Variants in NXPE4 observed in about 807,000 individuals in gnomAD.
The protein encoded by NXPE4 is neurexophilin and PC-esterase domain family member 4.
In NXPE4, 42 loss-of-function variants were observed where a neutral mutation model predicts 33.3. The ratio of observed to expected loss-of-function variants is 1.26; its 90% CI spans 0.98 to 1.63. The LOEUF (loss-of-function observed/expected upper bound fraction) is 1.63. NXPE4 is among the 40% of genes most tolerant of loss of function. The pLI, the probability that NXPE4 is intolerant of heterozygous loss-of-function variation, is 0.00. For missense variants in NXPE4, 709 were observed against 647.6 expected (o/e 1.09, Z -1.03); for synonymous variants, 253 against 234.9 (o/e 1.08, Z -0.71).
At chr11:114,629,446 A>C in the NXPE4 span, among the ~76,000 whole-genome samples, 3 of 151,800 alleles carry the variant, frequency 2.0e-5, no homozygotes, top group Non-Finnish European at 4.4e-5. Context: ...TAGATGCAGA[A>C]AAGGCCTTTG....
chr11:114,663,821 T>C, the NXPE4 span, among the ~76,000 whole-genome samples: 3 of 152,092 alleles, frequency 2.0e-5, no homozygotes, highest in Admixed American at 2.0e-4. Context: ...AGATGGATCA[T>C]CCAGAAAAGA....
the NXPE4 span, among the ~76,000 whole-genome samples, chr11:114,639,413 C>A: frequency 6.6e-6 from 1 of 151,850 alleles, no homozygotes; most frequent in Non-Finnish European, 1.5e-5. Context: ...TGACCCCTTG[C>A]GCTTCCTGAG....
chr11:114,658,567 C>A, the NXPE4 span, among the ~76,000 whole-genome samples: 1 of 152,128 alleles, frequency 6.6e-6, no homozygotes, highest in African/African-American at 2.4e-5. Flanking sequence ...TCTAAGAACA[C>A]TAAAGTGTTA....
upstream of NXPE4, among the ~76,000 whole-genome samples, chr11:114,597,292 G>C (rs1232414279): frequency 1.3e-5 from 2 of 152,078 alleles, no homozygotes; most frequent in East Asian, 1.9e-4. Context: ...ATAGCAAACT[G>C]TCAATATATT....
At chr11:114,617,063 G>A in the NXPE4 span, among the ~76,000 whole-genome samples, 3 of 150,924 alleles carry the variant, frequency 2.0e-5, no homozygotes, top group Admixed American at 6.6e-5. Context: ...AGTAAGTATT[G>A]CCTCTTGGGT....
rs143022326 is a variant in NXPE4, at chr11:114,581,510, T to C, written c.892+215A>G. On this transcript the variant is annotated intron_variant, in intron 4 of 5. Coordinates refer to ENST00000375478, the MANE Select transcript of NXPE4 (RefSeq NM_001077639.2). The stretch of plus-strand genomic sequence containing the variant: ...GGAATTCACTGACTGACAAATAGAC[T>C]GATGATGAGAGTTACAGTTACTAAA... 1.3e-3 allele frequency among the ~76,000 whole-genome samples: 191 copies of C among 152,292 alleles called. 3 individuals carry two copies. The East Asian group carries it at 0.032, about 26-fold the overall frequency.
At chr11:114,654,762 A>G in the NXPE4 span, among the ~76,000 whole-genome samples, 1 of 152,158 alleles carries the variant, frequency 6.6e-6, no homozygotes. Flanking sequence ...GCTATTGTAA[A>G]TAGTGCTGCA....
At chr11:114,658,059 A>T in the NXPE4 span, among the ~76,000 whole-genome samples, 24 of 152,316 alleles carry the variant, frequency 1.6e-4, no homozygotes, top group South Asian at 4.6e-3. Context: ...GTTCCCTTTA[A>T]AATAAACCCT....
chr11:114,588,104 G>T (rs1949350784), intron 2 of NXPE4, among the ~76,000 whole-genome samples: 1 of 152,132 alleles, frequency 6.6e-6, no homozygotes, highest in Admixed American at 6.5e-5. Flanking sequence ...CAAAGGGAAT[G>T]ATTCCCCAAA....
the NXPE4 span, among the ~76,000 whole-genome samples, chr11:114,635,290 G>C: frequency 2.0e-5 from 3 of 149,462 alleles, no homozygotes; most frequent in Non-Finnish European, 3.0e-5. Flanking sequence ...TATAAGAATG[G>C]TTGTGATTTT....
intron 2 of NXPE4, among the ~76,000 whole-genome samples, chr11:114,592,016 G>T (rs980837292): frequency 1.3e-5 from 2 of 152,124 alleles, no homozygotes; most frequent in Admixed American, 6.5e-5. Context: ...AGGCATGGAA[G>T]AAATGTACCT....
the NXPE4 span, among the ~76,000 whole-genome samples, chr11:114,610,777 T>C: frequency 6.6e-6 from 1 of 152,116 alleles, no homozygotes; most frequent in South Asian, 2.1e-4. Flanking sequence ...GTAACCACTG[T>C]TACCCAGTGG....
chr11:114,675,718 A>G, the NXPE4 span, among the ~76,000 whole-genome samples: 1 of 151,938 alleles, frequency 6.6e-6, no homozygotes, highest in Non-Finnish European at 1.5e-5. Flanking sequence ...CAAAATTCCA[A>G]TGGACTTTCT....
the NXPE4 span, among the ~76,000 whole-genome samples, chr11:114,673,251 A>G: frequency 6.6e-6 from 1 of 151,484 alleles, no homozygotes; most frequent in Non-Finnish European, 1.5e-5. Flanking sequence ...AGAAATCACA[A>G]GGGAAATCAG....
chr11:114,597,914 C>T (rs528974208), upstream of NXPE4, among the ~76,000 whole-genome samples: 128 of 152,244 alleles, frequency 8.4e-4, no homozygotes, highest in Admixed American at 1.8e-3. Flanking sequence ...TACAATCATG[C>T]CTTCCCAACA....
At chr11:114,630,959 CA>C in the NXPE4 span, among the ~76,000 whole-genome samples, 2 of 150,964 alleles carry the variant, frequency 1.3e-5, no homozygotes, top group East Asian at 3.9e-4. Flanking sequence ...AAATGCAAAT[CA>C]AAACCACAAT....
At chr11:114,662,988 C>T in the NXPE4 span, among the ~76,000 whole-genome samples, 2 of 152,200 alleles carry the variant, frequency 1.3e-5, no homozygotes. Flanking sequence ...GAGCAACAAG[C>T]AGCCTCTTGA....
the NXPE4 span, among the ~76,000 whole-genome samples, chr11:114,626,694 G>A: frequency 3.3e-5 from 5 of 152,218 alleles, no homozygotes; most frequent in Non-Finnish European, 7.3e-5. Context: ...TGAGCTGAGA[G>A]AAGGCTTCAG....
At chr11:114,612,679 C>G in the NXPE4 span, among the ~76,000 whole-genome samples, 1 of 151,824 alleles carries the variant, frequency 6.6e-6, no homozygotes, top group South Asian at 2.1e-4. Flanking sequence ...TACGTGTTGT[C>G]TCATGGGTAA....
Sources: allele counts gnomAD v4.1 joint callset (sites outside exome capture counted in the v4.1 genomes callset), GRCh38; gene constraint gnomAD v4.1.1; transcripts MANE v1.5; gene names NCBI Gene and HGNC (gene_info 2026-07-23, HGNC 2026-07-21).